The following AHCY variants were observed in gnomAD, a reference collection of about 807,000 sequenced individuals.
The protein encoded by AHCY is adenosylhomocysteinase, also known as S-adenosyl-L-homocysteine hydrolase.
AHCY carries 24 observed loss-of-function variants against 45.4 expected under a neutral mutation model. That is an observed-to-expected ratio of 0.53 (90% CI 0.38 to 0.74). AHCY has a LOEUF of 0.74. AHCY is among the 30% of genes least tolerant of loss of function. The pLI is 0.00. For missense variants in AHCY, 449 were observed against 594.1 expected (o/e 0.76, Z 2.54); for synonymous variants, 245 against 235.1 (o/e 1.04, Z -0.39).
At chr20:34,273,083 A>G in the AHCY span, among the ~76,000 whole-genome samples, 1 of 152,192 alleles carries the variant, frequency 6.6e-6, no homozygotes, top group Non-Finnish European at 1.5e-5. Flanking sequence ...TGGAGGCTTC[A>G]TTATGTAGGC....
the AHCY span, chr20:34,260,448 C>T: frequency 6.2e-7 from 1 of 1,614,172 alleles, no homozygotes; most frequent in East Asian, 2.2e-5. Context: ...AGCCACCTGC[C>T]ACCTGAGGAG....
At position 34,290,211 on chromosome 20, in the gene AHCY, G is replaced by A. The variant is rs2036327705; in HGVS notation, c.972+121C>T. On this transcript the variant is annotated intron_variant, in intron 8 of 9. Coordinates refer to ENST00000217426, the MANE Select transcript of AHCY (RefSeq NM_000687.4). The surrounding 1 kb of genome is among the most constrained non-coding windows in gnomAD (Gnocchi z 4.5). Reference sequence around the variant, plus strand: ...CACGTCTGGCTGGCTCTGATGCTAGGCCCTCTTCTCCCCATCCCCCTGCAC... The same window carrying A: ...CACGTCTGGCTGGCTCTGATGCTAGACCCTCTTCTCCCCATCCCCCTGCAC... The A allele has an allele frequency of 2.1e-6, 2 of 969,950 alleles. No homozygotes were observed. Among genetic ancestry groups the A allele is most frequent in the Non-Finnish European group, 3.3e-6 (2 of 605,954 alleles). 60.1% of individuals were successfully genotyped at this position (969,950 alleles called of 1,614,324 possible).
the AHCY span, among the ~76,000 whole-genome samples, chr20:34,258,273 A>C: frequency 3.3e-5 from 5 of 152,000 alleles, no homozygotes; most frequent in African/African-American, 1.2e-4. Context: ...GGAGTTGGCA[A>C]ACTTTTTCTG....
Position 34,290,283 on chromosome 20 carries a change from C to G in AHCY, c.972+49G>C, listed in dbSNP as rs2036329520. ...CTCTCCTCCCTGGCAGCCAGCACTC[C>G]TCTGCACTCCCATCTGCCCAGCCCA... On this transcript the variant is annotated intron_variant, in intron 8 of 9. Coordinates refer to ENST00000217426, the MANE Select transcript of AHCY (RefSeq NM_000687.4). This position sits in a 1 kb window ranked among gnomAD's most constrained non-coding sequence, Gnocchi z 4.5. The G allele has an allele frequency of 6.4e-7, 1 of 1,573,098 alleles. No homozygotes were observed. The highest frequency in any genetic ancestry group is 1.3e-5 in the African/African-American group (1 of 74,120).
chr20:34,286,321 T>C (rs1316129259), intron 8 of AHCY: 4 of 154,304 alleles, frequency 2.6e-5, no homozygotes, highest in African/African-American at 9.6e-5. Flanking sequence ...GTGATTTCAG[T>C]ACTGCTGTCA....
At chr20:34,236,227 G>A in the AHCY span, among the ~76,000 whole-genome samples, 1 of 151,956 alleles carries the variant, frequency 6.6e-6, no homozygotes, top group Non-Finnish European at 1.5e-5. Context: ...CTAGCTCTAG[G>A]TGGTTTAAAT....
the AHCY span, among the ~76,000 whole-genome samples, chr20:34,266,082 G>A: frequency 3.3e-5 from 5 of 151,220 alleles, no homozygotes; most frequent in East Asian, 2.0e-4. Context: ...GGCCAGGCAC[G>A]GTGGCTCACG....
chr20:34,245,814 C>G, the AHCY span: 1 of 783,428 alleles, frequency 1.3e-6, no homozygotes, highest in Non-Finnish European at 1.6e-6. Flanking sequence ...ATGCCAAGGA[C>G]GAGGGCAGTC....
intron 8 of AHCY, among the ~76,000 whole-genome samples, chr20:34,289,040 G>T (rs1020227995): frequency 6.6e-6 from 1 of 151,554 alleles, no homozygotes; most frequent in Non-Finnish European, 1.5e-5. Context: ...GTCTCGCTCT[G>T]TTGCCCAGGC....
the AHCY span, chr20:34,260,553 G>A: frequency 1.3e-6 from 2 of 1,592,894 alleles, no homozygotes; most frequent in East Asian, 4.5e-5. Flanking sequence ...CCTAGCCTCT[G>A]GGCTCTGGCC....
At chr20:34,260,346 C>T in the AHCY span, 1 of 1,601,664 alleles carries the variant, frequency 6.2e-7, no homozygotes, top group Non-Finnish European at 8.5e-7. Context: ...CACCTGACCA[C>T]CTTCTCTGTC....
chr20:34,266,501 C>T, the AHCY span, among the ~76,000 whole-genome samples: 1 of 151,938 alleles, frequency 6.6e-6, no homozygotes, highest in Non-Finnish European at 1.5e-5. Context: ...GGTGAAACCC[C>T]GTCTCTACTA....
chr20:34,295,260 G>C (rs2036533956), intron 2 of AHCY, 135 bp downstream of exon 2: 2 of 1,059,894 alleles, frequency 1.9e-6, no homozygotes, highest in Admixed American at 2.0e-5. Flanking sequence ...AGGAAACCGA[G>C]TGAGAGGGAG....
At chr20:34,298,492 G>A (rs972261683) in intron 1 of AHCY, among the ~76,000 whole-genome samples, 3 of 151,992 alleles carry the variant, frequency 2.0e-5, no homozygotes, top group African/African-American at 4.8e-5. Context: ...TTGGTCTAGC[G>A]GTGACGCCAG....
the AHCY span, among the ~76,000 whole-genome samples, chr20:34,262,216 T>C: frequency 6.6e-6 from 1 of 152,182 alleles, no homozygotes; most frequent in Non-Finnish European, 1.5e-5. Context: ...TGTAACAGAC[T>C]TTTCACTTTA....
the AHCY span, among the ~76,000 whole-genome samples, chr20:34,234,515 T>C: frequency 2.0e-5 from 3 of 152,094 alleles, no homozygotes; most frequent in South Asian, 2.1e-4. Flanking sequence ...CTTCCTTCCT[T>C]CCTTCCTTCC....
intron 1 of AHCY, among the ~76,000 whole-genome samples, chr20:34,300,046 G>A (rs373944406): frequency 6.6e-5 from 10 of 152,268 alleles, no homozygotes; most frequent in East Asian, 5.8e-4. Context: ...TTAGTTGGGC[G>A]TGGTGGTGGG....
chr20:34,251,521 G>A, the AHCY span, among the ~76,000 whole-genome samples: 3 of 151,992 alleles, frequency 2.0e-5, no homozygotes, highest in African/African-American at 4.8e-5. Flanking sequence ...TGATCCGTCC[G>A]CCTCGGCCTC....
chr20:34,298,915 G>A (rs988756733), intron 1 of AHCY, among the ~76,000 whole-genome samples: 2 of 152,110 alleles, frequency 1.3e-5, no homozygotes, highest in Admixed American at 6.5e-5. Flanking sequence ...TCGGCTGCCA[G>A]GCAGGGAAGG....
Sources: gnomAD v4.1 joint callset for allele counts (sites outside exome capture counted in the v4.1 genomes callset) on GRCh38, gnomAD v4.1.1 for gene constraint, Gnocchi (gnomAD v3.1) non-coding constraint, MANE v1.5 for transcripts, NCBI Gene and HGNC (gene_info 2026-07-23, HGNC 2026-07-21) for gene names.